FAM86B1: variants seen among roughly 807,000 people sequenced by gnomAD.
The protein encoded by FAM86B1 is putative protein N-methyltransferase FAM86B1.
For missense variants in FAM86B1, 13 were observed against 328.1 expected, an observed-to-expected ratio of 0.04 and a Z score of 7.42; for synonymous variants, 4 against 137.6, an observed-to-expected ratio of 0.03 and a Z score of 6.79.
chr8:12,193,371 C>T lies in FAM86B1; in HGVS notation c.96+604G>A, dbSNP rs537116114. ...CAATGCACATGAATTACAAATGGAA[C>T]GGGGTGCATTAAGCCCCTCTGCTGG... On this transcript the variant is annotated intron_variant, in intron 1 of 6. Transcript: ENST00000448228. Among the ~76,000 whole-genome samples the T allele has an allele frequency of 1.7e-3, 248 of 142,318 alleles. 5 individuals carry two copies. In the East Asian group the frequency reaches 0.034, roughly 20 times the overall value. The allele number at this position is 142,318 out of a possible 152,430, so 93.4% of individuals were successfully genotyped here. A position where few individuals can be genotyped will look rare whatever the true frequency, so the allele number is the denominator to read the frequency against.
intron 3 of FAM86B1, among the ~76,000 whole-genome samples, chr8:12,187,167 G>A (rs1806021371): frequency 3.6e-5 from 1 of 27,800 alleles, no homozygotes; most frequent in South Asian, 3.3e-3. Flanking sequence ...AATATGCTAT[G>A]TTTTTCCTTT....
chr8:12,192,952 G>T (rs1235757228), intron 1 of FAM86B1, among the ~76,000 whole-genome samples: 9 of 145,602 alleles, frequency 6.2e-5, no homozygotes, highest in African/African-American at 2.2e-4. Flanking sequence ...CTTGCCCAAG[G>T]TCACACAGGG....
At chr8:12,193,188 T>G (rs1418148950) in intron 1 of FAM86B1, among the ~76,000 whole-genome samples, 23 of 145,032 alleles carry the variant, frequency 1.6e-4, no homozygotes, top group Non-Finnish European at 5.9e-5. Flanking sequence ...AGGTTTCTAT[T>G]TTGGGTTAAA....
rs1476972211 is a variant in FAM86B1, at chr8:12,192,803, C to T, written c.97-962G>A. On this transcript the variant is annotated intron_variant, in intron 1 of 6. Transcript: ENST00000448228. ...TGAGACTGAAGAAAACACTAGCTAA[C>T]ACCGACATGCATTTACCATGAGCCA... Among the ~76,000 whole-genome samples the T allele has an allele frequency of 1.5e-4, 22 of 150,382 alleles. 1 individual carries two copies. Among genetic ancestry groups the T allele is most frequent in the South Asian group, 8.3e-4 (4 of 4,804 alleles).
intron 3 of FAM86B1, among the ~76,000 whole-genome samples, chr8:12,189,378 G>A (rs1425493405): frequency 3.4e-5 from 4 of 118,396 alleles, no homozygotes; most frequent in East Asian, 4.6e-4. Context: ...ATTCACCAGA[G>A]GAACTAGTTC....
chr8:12,186,567 C>G lies in FAM86B1; in HGVS notation c.425G>C (p.Cys142Ser). ...GTATGCCCGGGGGCGGCACATCTTG[C>G]AGATGGCAAGGCCTGTGAGGCCGGC... ...SGAGLTGLAI[C>S]KMCRPRAYIF... is the part of the protein sequence containing the mutation. Residue 142 changes from cysteine to serine, a missense_variant, in exon 5 of 7, where the codon TGC becomes TCC. Cys to Ser is a moderately radical substitution (Grantham distance 112). Coordinates refer to ENST00000448228, the MANE Select transcript of FAM86B1 (RefSeq NM_001083537.4). The G allele has an allele frequency of 6.2e-7, 1 of 1,609,962 alleles. No individual in the cohort carries two copies. The highest frequency in any genetic ancestry group is 8.5e-7 in the Non-Finnish European group (1 of 1,178,856).
rs1221835588 is a variant in FAM86B1 at position 12,190,943 on chromosome 8, G to T, written c.159+836C>A. On this transcript the variant is annotated intron_variant, in intron 2 of 6. Transcript: ENST00000448228. Reference sequence around the variant, plus strand: ...ATCTCATGCTTCACCACCTATGAGAGTGAGGCTCAGGGTGAAACTCAGAGC... The same window carrying T: ...ATCTCATGCTTCACCACCTATGAGATTGAGGCTCAGGGTGAAACTCAGAGC... Among the ~76,000 whole-genome samples the T allele has an allele frequency of 6.6e-4, 88 of 132,680 alleles. No individual in the cohort carries two copies. In the Middle Eastern group the frequency reaches 0.012, roughly 18 times the overall value. 87.0% of individuals were successfully genotyped at this position (132,680 alleles called of 152,430 possible). A position where few individuals can be genotyped will look rare whatever the true frequency, so the allele number is the denominator to read the frequency against.
intron 1 of FAM86B1, among the ~76,000 whole-genome samples, chr8:12,193,147 T>A (rs1481580853): frequency 4.9e-5 from 7 of 144,008 alleles, no homozygotes; most frequent in Admixed American, 4.7e-4. Flanking sequence ...TTATAGTCAA[T>A]ATTGAATGGA....
rs540502185 is a variant in FAM86B1 at position 12,184,111 on chromosome 8, G to A, written c.791-405C>T. ...GTTGGTTGAGGCTTATACTATGTGT[G>A]CTGCTTGGCACTGTTTTTTTCACTT... On this transcript the variant is annotated intron_variant, in intron 6 of 6. Coordinates refer to ENST00000448228, the MANE Select transcript of FAM86B1 (RefSeq NM_001083537.4). Among the ~76,000 whole-genome samples, 52 of 58,554 alleles carry A rather than the reference G, an allele frequency of 8.9e-4. 4 individuals carry two copies. The highest frequency in any genetic ancestry group is 6.1e-3 in the African/African-American group (50 of 8,160). 38.4% of individuals were successfully genotyped at this position (58,554 alleles called of 152,430 possible). A position where few individuals can be genotyped will look rare whatever the true frequency, so the allele number is the denominator to read the frequency against.
intron 1 of FAM86B1, among the ~76,000 whole-genome samples, chr8:12,193,217 G>T (rs1477975538): frequency 3.4e-5 from 5 of 145,438 alleles, no homozygotes; most frequent in Admixed American, 2.7e-4. Context: ...CATTTCTCCT[G>T]ACCAGAAATG....
At chr8:12,191,026 C>T (rs1243876564) in intron 2 of FAM86B1, among the ~76,000 whole-genome samples, 3 of 149,264 alleles carry the variant, frequency 2.0e-5, no homozygotes, top group African/African-American at 7.6e-5. Context: ...ACTGTATTGC[C>T]CCGAAAGTCT....
chr8:12,192,802 A>C (rs1262476173), intron 1 of FAM86B1, among the ~76,000 whole-genome samples: 14 of 150,220 alleles, frequency 9.3e-5, no homozygotes, highest in African/African-American at 3.5e-4. Flanking sequence ...ACACTAGCTA[A>C]CACCGACATG....
chr8:12,192,825 G>T (rs1807136749), intron 1 of FAM86B1, among the ~76,000 whole-genome samples: 1 of 150,448 alleles, frequency 6.6e-6, no homozygotes, highest in South Asian at 2.1e-4. Flanking sequence ...TTTACCATGA[G>T]CCAGGCACTG....
chr8:12,188,089 G>A, intron 3 of FAM86B1: 1 of 907,120 alleles, frequency 1.1e-6, no homozygotes, highest in East Asian at 3.1e-5. Flanking sequence ...TAGCTCCGGT[G>A]GCCCTGGGTG....
At chr8:12,189,366 G>T (rs1806429303) in intron 3 of FAM86B1, among the ~76,000 whole-genome samples, 1 of 117,930 alleles carries the variant, frequency 8.5e-6, no homozygotes, top group Non-Finnish European at 1.6e-5. Context: ...TCAATGCAGA[G>T]AATTCACCAG....
intron 1 of FAM86B1, among the ~76,000 whole-genome samples, chr8:12,193,083 T>C (rs1393587856): frequency 1.9e-4 from 28 of 143,950 alleles, no homozygotes; most frequent in Non-Finnish European, 3.9e-4. Context: ...AGTACCCACC[T>C]GGTGGGTGTT....
At chr8:12,189,299 TAAGTAAA>T (rs1360475333) in intron 3 of FAM86B1, among the ~76,000 whole-genome samples, 3 of 52,692 alleles carry the variant, frequency 5.7e-5, no homozygotes, top group African/African-American at 1.6e-4. Flanking sequence ...AATAAATAAA[TAAGTAAA>T]AAATAAAATC....
In FAM86B1 at chr8:12,183,156, GC is replaced by G; in HGVS notation, c.*449del. ...GAGTGTGTCCAGGGATGTGGCAGCT[GC>G]AGCGGGCTTGGCTTTGTGAGGAACC... On this transcript the variant is annotated 3_prime_UTR_variant, in exon 7 of 7. Coordinates refer to ENST00000448228, the MANE Select transcript of FAM86B1 (RefSeq NM_001083537.4). 1 of 106,822 alleles carries G rather than the reference GC, an allele frequency of 9.4e-6. No individual in the cohort carries two copies. Among genetic ancestry groups the G allele is most frequent in the Non-Finnish European group, 2.0e-5 (1 of 48,898 alleles). The allele number at this position is 106,822 out of a possible 1,614,324, so 6.6% of individuals were successfully genotyped here.
At position 12,186,166 on chromosome 8, in the gene FAM86B1, G is replaced by A. The variant is rs1216030481; in HGVS notation, c.640+186C>T. ...TGCCTGTCTCCAACAACAGGGCTGTGGCTTGAAGGTCACCTTAAGAGGCAC... is the reference window on the plus strand; with the variant it reads ...TGCCTGTCTCCAACAACAGGGCTGTAGCTTGAAGGTCACCTTAAGAGGCAC... On this transcript the variant is annotated intron_variant, in intron 5 of 6. Transcript: ENST00000448228. 22 of 421,288 alleles carry A rather than the reference G, an allele frequency of 5.2e-5. 3 individuals carry two copies. The East Asian group carries it at 7.7e-4, about 15-fold the overall frequency. The allele number at this position is 421,288 out of a possible 1,614,324, so 26.1% of individuals were successfully genotyped here.
Sources: gnomAD v4.1 joint callset for allele counts (sites outside exome capture counted in the v4.1 genomes callset) on GRCh38, gnomAD v4.1.1 for gene constraint, MANE v1.5 for transcripts, NCBI Gene and HGNC (gene_info 2026-07-23, HGNC 2026-07-21) for gene names.